Variants in RCBTB1 observed in about 807,000 individuals in gnomAD.
RCBTB1 encodes the protein RCC1 and BTB domain containing protein 1, also known as RCC1 and BTB domain-containing protein 1.
A neutral mutation model predicts 62.4 loss-of-function variants in RCBTB1; 46 were observed. That is an observed-to-expected ratio of 0.74 (90% confidence interval 0.58 to 0.94). The LOEUF (loss-of-function observed/expected upper bound fraction) is 0.94. RCBTB1 is among the 40% of genes least tolerant of loss of function. The pLI, the probability that RCBTB1 is intolerant of heterozygous loss-of-function variation, is 0.00. For synonymous variants in RCBTB1, 222 were observed against 245.8 expected (o/e 0.90, Z 0.91); for missense variants, 565 against 654.9 (o/e 0.86, Z 1.50).
At position 49,547,086 on chromosome 13, in the gene RCBTB1, T is replaced by G. The variant is rs1960847176; in HGVS notation, c.1046-2223A>C. On this transcript the variant is annotated intron_variant, in intron 9 of 12. Coordinates refer to ENST00000378302, the MANE Select transcript of RCBTB1 (RefSeq NM_018191.4). ...ACAAATCTGAAGATGTGTACAGAAG[T>G]GCTTCAGCTGGGTATGCCATACATG... The G allele has an allele frequency of 5.5e-6, 7 of 1,281,218 alleles. No homozygotes were observed. The South Asian group carries it at 8.7e-5, about 16-fold the overall frequency. 79.4% of individuals were successfully genotyped at this position (1,281,218 alleles called of 1,614,324 possible).
chr13:49,567,232 T>C lies in RCBTB1; in HGVS notation c.48A>G (p.Gln16=), dbSNP rs1314891010. The C allele has an allele frequency of 6.2e-6, 10 of 1,613,440 alleles. No homozygotes were observed. Among genetic ancestry groups the C allele is most frequent in the Non-Finnish European group, 3.4e-6 (4 of 1,179,462 alleles). Residue 16 remains glutamine (Q), a synonymous_variant, in exon 3 of 13, where the codon CAA becomes CAG. Transcript: ENST00000378302. ...KWPIFTLLSP[Q]EIASIRKACV... is the part of the protein sequence containing the mutation. ...ACGCCTTCCGAATAGACGCGATCTC[T>C]TGAGGGGAGAGTAGAGTGAAGATGG...
rs144921299 is a variant in RCBTB1, at chr13:49,583,074, G to A, written c.-122+2370C>T. On this transcript the variant is annotated intron_variant, in intron 1 of 12. Transcript: ENST00000378302. ...CACCTGTGGTCCCAGCTACTTGGGA[G>A]TGGGGAGGATCACTTGAGCCTGGGA... Among the ~76,000 whole-genome samples, 722 of 152,284 alleles carry A rather than the reference G, an allele frequency of 4.7e-3. 6 individuals carry two copies. Among genetic ancestry groups the A allele is most frequent in the African/African-American group, 0.017 (692 of 41,568 alleles).
intron 12 of RCBTB1, among the ~76,000 whole-genome samples, chr13:49,535,548 C>T (rs1489303770): frequency 2.1e-5 from 3 of 145,278 alleles, no homozygotes; most frequent in African/African-American, 4.9e-5. Context: ...TTTCCAGCTA[C>T]CACGAGGTGG....
intron 1 of RCBTB1, among the ~76,000 whole-genome samples, chr13:49,583,734 G>C (rs1964235800): frequency 6.6e-6 from 1 of 152,090 alleles, no homozygotes; most frequent in Admixed American, 6.6e-5. Context: ...TTTTAGTAGA[G>C]ACGGGGTTTC....
At chr13:49,537,748 A>T (rs867969159) in intron 12 of RCBTB1, 2 of 152,336 alleles carry the variant, frequency 1.3e-5, no homozygotes, top group Middle Eastern at 3.4e-3. Flanking sequence ...CCTGATGTCA[A>T]TATTTATTCA....
chr13:49,565,260 G>C (rs531560652), intron 4 of RCBTB1, among the ~76,000 whole-genome samples: 37 of 152,342 alleles, frequency 2.4e-4, no homozygotes, highest in African/African-American at 8.9e-4. Context: ...CGAGTGATCT[G>C]CCAGCCTCGG....
At chr13:49,552,067 C>G in intron 7 of RCBTB1, 111 bp downstream of exon 7, 1 of 734,860 alleles carries the variant, frequency 1.4e-6, no homozygotes, top group South Asian at 1.5e-5. Flanking sequence ...AAGATGAAGG[C>G]ACAGAGTATT....
At chr13:49,546,265 TC>T in intron 9 of RCBTB1, 1 of 985,366 alleles carries the variant, frequency 1.0e-6, no homozygotes, top group Non-Finnish European at 1.2e-6. Context: ...GAAGAAATCC[TC>T]CTCAAAGGGG....
chr13:49,539,068 C>T (rs9526573), intron 12 of RCBTB1, among the ~76,000 whole-genome samples: 86,136 of 151,400 alleles, frequency 0.57, 28,119 homozygotes, highest in Non-Finnish European at 0.74. Flanking sequence ...CAGGGTTTCA[C>T]CATGTTGGCC....
intron 1 of RCBTB1, among the ~76,000 whole-genome samples, chr13:49,584,119 G>T (rs1035830178): frequency 1.3e-5 from 2 of 152,202 alleles, no homozygotes; most frequent in African/African-American, 4.8e-5. Context: ...CCAAGTTCTT[G>T]CTGCAGCATA....
At chr13:49,539,000 G>A (rs1960142238) in intron 12 of RCBTB1, among the ~76,000 whole-genome samples, 2 of 151,176 alleles carry the variant, frequency 1.3e-5, no homozygotes, top group African/African-American at 4.9e-5. Context: ...CTCCCGAATA[G>A]CTGGGATTAC....
rs5803471 is a variant in RCBTB1, at chr13:49,551,899, CAAAA to C, written c.711+275_711+278del. 1.4e-3 allele frequency among the ~76,000 whole-genome samples: 139 copies of C among 100,342 alleles called. 2 individuals are homozygous for C. The South Asian group carries it at 0.032, about 23-fold the overall frequency. The allele number at this position is 100,342 out of a possible 152,430, so 65.8% of individuals were successfully genotyped here. A position where few individuals can be genotyped will look rare whatever the true frequency, so the allele number is the denominator to read the frequency against. ...TGGGTGACAGAGGGAGACTCCGTCT[CAAAA>C]AAAAAAAAAAAAAAGCATTAGAAAA... is the stretch of plus-strand genomic sequence containing the variant. On this transcript the variant is annotated intron_variant, in intron 7 of 12. Transcript: ENST00000378302.
At chr13:49,536,954 T>A (rs917025318) in intron 12 of RCBTB1, among the ~76,000 whole-genome samples, 1 of 152,212 alleles carries the variant, frequency 6.6e-6, no homozygotes, top group African/African-American at 2.4e-5. Context: ...AAGCTGTTTT[T>A]CCTTTCCACA....
chr13:49,579,078 T>C (rs1038730595), intron 2 of RCBTB1, among the ~76,000 whole-genome samples: 5 of 152,210 alleles, frequency 3.3e-5, no homozygotes, highest in Admixed American at 6.5e-5. Flanking sequence ...GATGGGCTTT[T>C]TGAGACTGAG....
chr13:49,546,116 G>C, intron 9 of RCBTB1: 1 of 985,272 alleles, frequency 1.0e-6, no homozygotes, highest in Non-Finnish European at 1.2e-6. Flanking sequence ...CAAGAGTCCA[G>C]GAGTCTAGAT....
intron 11 of RCBTB1, 47 bp from the exon 12 acceptor site, chr13:49,541,053 CCAATA>C (rs746505394): frequency 1.2e-5 from 18 of 1,556,318 alleles, no homozygotes; most frequent in African/African-American, 2.7e-5. Flanking sequence ...ATAATAATTT[CCAATA>C]CACAGAGATT....
At chr13:49,546,129 C>T (rs1960765740) in intron 9 of RCBTB1, 16 of 985,354 alleles carry the variant, frequency 1.6e-5, no homozygotes, top group Non-Finnish European at 1.9e-5. Context: ...GTCTAGATTG[C>T]TACCCCCACC....
At chr13:49,551,671 C>T (rs1226198165) in intron 7 of RCBTB1, among the ~76,000 whole-genome samples, 1 of 152,172 alleles carries the variant, frequency 6.6e-6, no homozygotes, top group African/African-American at 2.4e-5. Flanking sequence ...GAGGCCGAGG[C>T]AGGCAGATCA....
chr13:49,559,717 T>C (rs1316687227), intron 5 of RCBTB1, among the ~76,000 whole-genome samples: 10 of 148,360 alleles, frequency 6.7e-5, no homozygotes, highest in Middle Eastern at 3.6e-3. Flanking sequence ...TGGGAGTGAA[T>C]GTTTACCAGG....
Sources: allele counts gnomAD v4.1 joint callset (sites outside exome capture counted in the v4.1 genomes callset), GRCh38; gene constraint gnomAD v4.1.1; transcripts MANE v1.5; gene names NCBI Gene and HGNC (gene_info 2026-07-23, HGNC 2026-07-21).